The following HYDIN variants were observed in gnomAD, a reference collection of about 807,000 sequenced individuals.
HYDIN encodes the protein HYDIN axonemal central pair apparatus protein.
In HYDIN, 132 loss-of-function variants were observed where a neutral mutation model predicts 403.9. The observed-to-expected ratio is 0.33, with a 90% CI of 0.28 to 0.38. The LOEUF is 0.38. Among genes scored for constraint, HYDIN ranks in the 10% least tolerant of loss-of-function variants. The pLI, the probability that HYDIN is intolerant of heterozygous loss-of-function variation, is 1.00. For synonymous variants in HYDIN, 1,202 were observed against 1,891.7 expected (o/e 0.64, Z 9.46); for missense variants, 2,827 against 5,009.5 (o/e 0.56, Z 13.15).
intron 41 of HYDIN, among the ~76,000 whole-genome samples, chr16:70,949,826 A>G (rs1405057567): frequency 6.6e-6 from 1 of 152,304 alleles, no homozygotes; most frequent in Non-Finnish European, 1.5e-5. Flanking sequence ...AGGAGTTTGG[A>G]GTCAGAATTG....
chr16:71,050,025 G>GGGGTGTGTGTGTGTGTGT (rs1292413570), intron 18 of HYDIN, among the ~76,000 whole-genome samples: 1 of 147,814 alleles, frequency 6.8e-6, no homozygotes, highest in Non-Finnish European at 1.5e-5. Flanking sequence ...CACACTGGTT[G>GGGGTGTGTGTGTGTGTGT]GGGTGTGTGT....
chr16:70,837,358 A>C (rs1173419318), intron 77 of HYDIN, among the ~76,000 whole-genome samples: 2 of 152,164 alleles, frequency 1.3e-5, no homozygotes, highest in East Asian at 3.9e-4. Flanking sequence ...CTGATGCAGG[A>C]GGAAAAGGAT....
chr16:71,171,262 C>G (rs1228613831), intron 5 of HYDIN, among the ~76,000 whole-genome samples: 1 of 152,164 alleles, frequency 6.6e-6, no homozygotes, highest in African/African-American at 2.4e-5. Context: ...TAAGTTAGCC[C>G]AAATGTCACC....
intron 4 of HYDIN, among the ~76,000 whole-genome samples, chr16:71,176,796 CA>C (rs1891265366): frequency 6.6e-6 from 1 of 152,206 alleles, no homozygotes; most frequent in Non-Finnish European, 1.5e-5. Flanking sequence ...ATTAAAATCA[CA>C]AGTGTTCTGG....
intron 43 of HYDIN, among the ~76,000 whole-genome samples, chr16:70,940,408 C>T (rs1025483093): frequency 5.9e-5 from 9 of 151,722 alleles, no homozygotes; most frequent in African/African-American, 1.9e-4. Flanking sequence ...ATTAAATAAG[C>T]GATCATGTAA....
At chr16:71,062,362 G>A (rs975599895) in intron 16 of HYDIN, 29 bp from the exon 17 acceptor site, 1 of 1,580,016 alleles carries the variant, frequency 6.3e-7, no homozygotes. Flanking sequence ...GAGGGGTAAG[G>A]ACAGCACAGC....
chr16:70,806,580 C>T lies in HYDIN; in HGVS notation c.*1000G>A, dbSNP rs548128456. On this transcript the variant is annotated 3_prime_UTR_variant, in exon 86 of 86. Coordinates refer to ENST00000393567, the MANE Select transcript of HYDIN (RefSeq NM_001270974.2). ...ATAGTACTGCTGCTGGCCCAGGGAC[C>T]ATTTTTAAGACCCACTTCTTTACGG... Among the ~76,000 whole-genome samples the T allele has an allele frequency of 6.6e-6, 1 of 152,230 alleles. No homozygotes were observed. Among genetic ancestry groups the T allele is most frequent in the South Asian group, 2.1e-4 (1 of 4,818 alleles).
rs1232466690 is a variant in HYDIN at position 71,230,647 on chromosome 16, A to AG, written c.-110dup. 2.0e-6 allele frequency: 3 copies of AG among 1,535,864 alleles called. No individual in the cohort carries two copies. The highest frequency in any genetic ancestry group is 2.7e-5 in the African/African-American group (2 of 72,996). On this transcript the variant is annotated 5_prime_UTR_variant, in exon 1 of 86. It introduces an in-frame stop codon into an upstream open reading frame of the 5' UTR. Coordinates refer to ENST00000393567, the MANE Select transcript of HYDIN (RefSeq NM_001270974.2). ...CAACTCACAGACCCCGCCGCCGCTG[A>AG]GGGGCTCCATACCCAGCTTGAAGCC... is the stretch of plus-strand genomic sequence containing the variant.
intron 18 of HYDIN, among the ~76,000 whole-genome samples, chr16:71,046,791 C>T (rs1238895284): frequency 4.6e-5 from 7 of 152,222 alleles, no homozygotes; most frequent in African/African-American, 1.7e-4. Context: ...TTCTTCATTA[C>T]ATAAAAACAT....
At chr16:71,178,528 C>A (rs2144648687) in intron 4 of HYDIN, among the ~76,000 whole-genome samples, 1 of 149,878 alleles carries the variant, frequency 6.7e-6, no homozygotes, top group East Asian at 1.9e-4. Context: ...AATTGCAATT[C>A]TCATGAGTAG....
rs1430882657 is a variant in HYDIN at position 70,943,952 on chromosome 16, G to T, written c.6532-3C>A. 6.3e-7 allele frequency: 1 copy of T among 1,595,998 alleles called. No homozygotes were observed. Among genetic ancestry groups the T allele is most frequent in the Non-Finnish European group, 8.5e-7 (1 of 1,171,010 alleles). Reference sequence around the variant, plus strand: ...GGGGGGAGAGGGCTGGAGGAAATCTGTTGAGTGGGAGAAGGATCAGGAGTC... The same window carrying T: ...GGGGGGAGAGGGCTGGAGGAAATCTTTTGAGTGGGAGAAGGATCAGGAGTC... On this transcript the variant is annotated splice_polypyrimidine_tract_variant and splice_region_variant and intron_variant, in intron 41 of 85. Coordinates refer to ENST00000393567, the MANE Select transcript of HYDIN (RefSeq NM_001270974.2).
At chr16:71,032,488 A>T (rs1323030982) in intron 18 of HYDIN, among the ~76,000 whole-genome samples, 1 of 150,160 alleles carries the variant, frequency 6.7e-6, no homozygotes, top group African/African-American at 2.4e-5. Flanking sequence ...AAAATTGCAA[A>T]CTTATTCTGA....
intron 80 of HYDIN, among the ~76,000 whole-genome samples, chr16:70,830,052 G>T (rs540253059): frequency 9.9e-5 from 15 of 152,264 alleles, no homozygotes; most frequent in African/African-American, 3.6e-4. Context: ...AGCAATGAAC[G>T]AAATAACAAA....
intron 18 of HYDIN, among the ~76,000 whole-genome samples, chr16:71,033,431 A>C (rs2080982422): frequency 6.6e-6 from 1 of 152,222 alleles, no homozygotes; most frequent in Non-Finnish European, 1.5e-5. Context: ...AGTTAATAAA[A>C]AGCATCAAAG....
intron 16 of HYDIN, among the ~76,000 whole-genome samples, chr16:71,063,368 G>A (rs1261712430): frequency 6.6e-6 from 1 of 152,186 alleles, no homozygotes; most frequent in African/African-American, 2.4e-5. Context: ...CTAGGTTTTG[G>A]TATCTTGTTT....
chr16:71,139,890 G>A (rs897324827), intron 7 of HYDIN, among the ~76,000 whole-genome samples: 2 of 151,730 alleles, frequency 1.3e-5, no homozygotes, highest in Non-Finnish European at 2.9e-5. Context: ...AGTTCAAAAG[G>A]CCAGTGAAAG....
At position 70,920,771 on chromosome 16, in the gene HYDIN, G is replaced by A. The variant is rs1289023749; in HGVS notation, c.7605C>T (p.Arg2535=). 2 of 1,560,698 alleles carry A rather than the reference G, an allele frequency of 1.3e-6. No homozygotes were observed. Among genetic ancestry groups the A allele is most frequent in the Admixed American group, 3.9e-5 (2 of 51,562 alleles). ...CCTCCAGGGCTCGCAGCTTCTCCAG[G>A]CGCTCCCGCTCCGCCTTCTCCCTCT... is the stretch of plus-strand genomic sequence containing the variant. ...RLEREKAERE[R]LEKLRALEER... Residue 2535 remains arginine (R), a synonymous_variant, in exon 46 of 86, where the codon CGC becomes CGT. Transcript: ENST00000393567.
chr16:71,158,661 T>C (rs1026747049), intron 6 of HYDIN, among the ~76,000 whole-genome samples: 3 of 151,372 alleles, frequency 2.0e-5, no homozygotes, highest in African/African-American at 4.9e-5. Flanking sequence ...GAGACCATTT[T>C]TTCAATTGAA....
intron 80 of HYDIN, among the ~76,000 whole-genome samples, chr16:70,831,529 C>CAAA (rs57465488): frequency 2.0e-4 from 18 of 91,542 alleles, no homozygotes; most frequent in African/African-American, 6.6e-4. Flanking sequence ...AAAAAAAAAC[C>CAAA]AAAAAAAAAA....
Sources: allele counts gnomAD v4.1 joint callset (sites outside exome capture counted in the v4.1 genomes callset), GRCh38; gene constraint gnomAD v4.1.1; transcripts MANE v1.5; gene names NCBI Gene and HGNC (gene_info 2026-07-23, HGNC 2026-07-21).